Variants in FAAP100 observed in about 807,000 individuals in gnomAD.
The protein encoded by FAAP100 is FA core complex associated protein 100.
FAAP100 carries 46 observed loss-of-function variants against 65.8 expected under a neutral mutation model. The observed-to-expected ratio is 0.70, with a 90% CI of 0.55 to 0.89. The LOEUF is 0.89. Among genes scored for constraint, FAAP100 ranks in the 40% least tolerant of loss-of-function variants. The pLI, the probability that FAAP100 is intolerant of heterozygous loss-of-function variation, is 0.00. For missense variants in FAAP100, 1,165 were observed against 1,196.7 expected (o/e 0.97, Z 0.39); for synonymous variants, 663 against 555.1 (o/e 1.19, Z -2.73).
At chr17:81,541,559 C>T (rs1453674456) in intron 7 of FAAP100, among the ~76,000 whole-genome samples, 164 bp from the exon 8 acceptor site, 2 of 152,212 alleles carry the variant, frequency 1.3e-5, no homozygotes, top group Non-Finnish European at 2.9e-5. Context: ...CTGTTCATCT[C>T]GACTTCCTGC....
chr17:81,546,034 G>A (rs990478691), intron 5 of FAAP100, 152 bp from the exon 6 acceptor site: 28 of 1,075,176 alleles, frequency 2.6e-5, no homozygotes, highest in South Asian at 5.4e-5. Context: ...CCTAAGCTGC[G>A]GCGTGGCCAG....
intron 3 of FAAP100, 45 bp from the exon 4 acceptor site, chr17:81,549,407 C>A: frequency 6.4e-7 from 1 of 1,571,782 alleles, no homozygotes; most frequent in Non-Finnish European, 8.6e-7. Flanking sequence ...CTGGGAGGGG[C>A]AAGCAGCATG....
rs746821415 is a variant in FAAP100, at chr17:81,550,984, G to T, written c.510C>A (p.Ile170=). Residue 170 remains isoleucine, a synonymous_variant, in exon 3 of 9, where the codon ATC becomes ATA. Transcript: ENST00000327787. ...PGEDPRPGGQ[I]GEVELSSYTP... is the part of the protein sequence containing the mutation. ...TGTAGGAGGACAGCTCCACCTCACC[G>T]ATCTGGCCTCCTGGCCGGGGGTCCT... 1 of 1,611,864 alleles carries T rather than the reference G, an allele frequency of 6.2e-7. No homozygotes were observed. Among genetic ancestry groups the T allele is most frequent in the Non-Finnish European group, 8.5e-7 (1 of 1,179,488 alleles).
Position 81,550,679 on chromosome 17 carries a change from A to G in FAAP100, c.815T>C (p.Val272Ala). ...RSAPGDPNALVKILHHLEEPV... is the reference protein window; with the variant it reads ...RSAPGDPNALAKILHHLEEPV... Reference sequence around the variant, plus strand: ...CTCCTCCAGGTGATGGAGGATCTTGACAAGGGCATTTGGGTCACCAGGGGC... The same window carrying G: ...CTCCTCCAGGTGATGGAGGATCTTGGCAAGGGCATTTGGGTCACCAGGGGC... Residue 272 changes from valine to alanine, a missense_variant, in exon 3 of 9, where the codon GTC becomes GCC. Val to Ala is a moderately conservative substitution (Grantham distance 64). Transcript: ENST00000327787. The G allele has an allele frequency of 6.2e-7, 1 of 1,613,024 alleles. No individual in the cohort carries two copies. The highest frequency in any genetic ancestry group is 8.5e-7 in the Non-Finnish European group (1 of 1,180,020).
At chr17:81,549,388 G>C (rs2033416654) in intron 3 of FAAP100, 26 bp from the exon 4 acceptor site, 1 of 1,585,772 alleles carries the variant, frequency 6.3e-7, no homozygotes, top group Admixed American at 1.7e-5. Context: ...CATGGGGCCT[G>C]GTCAGCGGCT....
At chr17:81,546,474 C>T (rs534809405) in intron 5 of FAAP100, 1 of 163,580 alleles carries the variant, frequency 6.1e-6, no homozygotes, top group African/African-American at 2.4e-5. Context: ...GTGAAGCTCA[C>T]AGTTTGCTCC....
chr17:81,552,408 C>T (rs1598602803), upstream of FAAP100: 4 of 1,224,028 alleles, frequency 3.3e-6, no homozygotes, highest in South Asian at 3.3e-5. Flanking sequence ...TACGGCAGCC[C>T]GCTGTGCGGC....
upstream of FAAP100, chr17:81,552,503 G>T: frequency 1.9e-6 from 1 of 530,518 alleles, no homozygotes; most frequent in Non-Finnish European, 2.9e-6. Flanking sequence ...TGGGGCGGTC[G>T]CTGGTACCCA....
In FAAP100 at chr17:81,547,195, G is replaced by T; in HGVS notation, c.1887C>A (p.Ser629=). 6.4e-7 allele frequency: 1 copy of T among 1,558,924 alleles called. No homozygotes were observed. Among genetic ancestry groups the T allele is most frequent in the South Asian group, 1.2e-5 (1 of 82,458 alleles). The part of the protein sequence containing the change: ...SEDPFLDECP[S]DVLPEQEGVC... ...CACCCTCTTGCTCGGGCAGGACGTC[G>T]GAGGGGCACTCATCCAGAAAGGGGT... The change falls in exon 5 of 9, where the codon TCC becomes TCA. Residue 629 remains serine (S), a synonymous_variant. Coordinates refer to ENST00000327787, the MANE Select transcript of FAAP100 (RefSeq NM_025161.6).
rs1245126953 is a variant in FAAP100, at chr17:81,552,252, G to C, written c.79C>G (p.Arg27Gly). The C allele has an allele frequency of 1.3e-6, 2 of 1,482,208 alleles. No individual in the cohort carries two copies. Among genetic ancestry groups the C allele is most frequent in the Non-Finnish European group, 1.8e-6 (2 of 1,123,594 alleles). 91.8% of individuals were successfully genotyped at this position (1,482,208 alleles called of 1,614,324 possible). ...ACCTCTGCCTCATGGCACAGCACGC[G>C]GGGCTTGCCCGCCGCCAGGCCCCCG... ...PLGGLAAGKP[R>G]VLCHEAEVFL... Residue 27 changes from arginine (R) to glycine (G), a missense_variant, in exon 1 of 9, where the codon CGC becomes GGC. Transcript: ENST00000327787.
At position 81,552,056 on chromosome 17, in the gene FAAP100, C is replaced by A; in HGVS notation, c.166-4G>T. 6.6e-7 allele frequency: 1 copy of A among 1,508,026 alleles called. No homozygotes were observed. Among genetic ancestry groups the A allele is most frequent in the Non-Finnish European group, 8.8e-7 (1 of 1,138,796 alleles). The allele number at this position is 1,508,026 out of a possible 1,614,324, so 93.4% of individuals were successfully genotyped here. A position where few individuals can be genotyped will look rare whatever the true frequency, so the allele number is the denominator to read the frequency against. On this transcript the variant is annotated splice_region_variant and splice_polypyrimidine_tract_variant and intron_variant, in intron 1 of 8. Coordinates refer to ENST00000327787, the MANE Select transcript of FAAP100 (RefSeq NM_025161.6). ...GGTCGGGGAACCGGAACGCCGCCTG[C>A]GGACCGGGGCGCGGGTCAGGCCGAC...
Position 81,550,650 on chromosome 17 carries a change from C to T in FAAP100, c.844G>A (p.Val282Ile), listed in dbSNP as rs1392568088. Reference sequence around the variant, plus strand: ...GTCTTCAAGGCCCCTATGAAGATGACGGGCTCCTCCAGGTGATGGAGGATC... The same window carrying T: ...GTCTTCAAGGCCCCTATGAAGATGATGGGCTCCTCCAGGTGATGGAGGATC... ...VKILHHLEEP[V>I]IFIGALKTEP... Residue 282 changes from valine to isoleucine, a missense_variant, in exon 3 of 9, where the codon GTC (valine) becomes ATC (isoleucine). By Grantham distance (29) the Val-to-Ile change is conservative (BLOSUM62 3). Transcript: ENST00000327787. The T allele has an allele frequency of 5.6e-6, 9 of 1,612,916 alleles. No homozygotes were observed. Among genetic ancestry groups the T allele is most frequent in the East Asian group, 2.2e-5 (1 of 44,894 alleles).
In FAAP100 at chr17:81,540,183, C is replaced by T. The variant is rs952871371; in HGVS notation, c.*636G>A. The T allele has an allele frequency of 5.0e-6, 2 of 399,090 alleles. No homozygotes were observed. The highest frequency in any genetic ancestry group is 4.4e-5 in the Admixed American group (1 of 22,754). 24.7% of individuals were successfully genotyped at this position (399,090 alleles called of 1,614,324 possible). A position where few individuals can be genotyped will look rare whatever the true frequency, so the allele number is the denominator to read the frequency against. On this transcript the variant is annotated 3_prime_UTR_variant, in exon 9 of 9. Transcript: ENST00000327787. ...TGTTGAGCATTCCGGCCACAGGCCA[C>T]CCGCTGGCCCTTCCTTGGTGTGGCA...
Position 81,547,013 on chromosome 17 carries a change from G to C in FAAP100, c.2069C>G (p.Pro690Arg). The stretch of plus-strand genomic sequence containing the variant: ...GGCCCGCAGGGAGGCGGGTCCTGCT[G>C]GCTGGCTGCCAGGCTCCCGACAAGT... ...LETCREPGSQ[P>R]AGPASLRAEY... Residue 690 changes from proline to arginine, a missense_variant, in exon 5 of 9, where the codon CCA (proline) becomes CGA (arginine). Transcript: ENST00000327787. 2 of 1,538,258 alleles carry C rather than the reference G, an allele frequency of 1.3e-6. No homozygotes were observed. The highest frequency in any genetic ancestry group is 1.7e-6 in the Non-Finnish European group (2 of 1,143,122).
chr17:81,541,254 T>C (rs891209644), intron 8 of FAAP100, 55 bp downstream of exon 8: 1 of 1,523,756 alleles, frequency 6.6e-7, no homozygotes, highest in Non-Finnish European at 9.0e-7. Context: ...GGCCTGGCGA[T>C]GGGCGCTCCT....
upstream of FAAP100, chr17:81,552,430 C>A: frequency 8.8e-7 from 1 of 1,138,760 alleles, no homozygotes; most frequent in South Asian, 3.8e-5. Flanking sequence ...CGACCTCCGC[C>A]GTAAAGCGGT....
Position 81,547,504 on chromosome 17 carries a change from G to A in FAAP100, c.1578C>T (p.Thr526=). 6.2e-7 allele frequency: 1 copy of A among 1,613,482 alleles called. No homozygotes were observed. The highest frequency in any genetic ancestry group is 8.5e-7 in the Non-Finnish European group (1 of 1,180,034). Residue 526 remains threonine, a synonymous_variant, in exon 5 of 9, where the codon ACC becomes ACT. Coordinates refer to ENST00000327787, the MANE Select transcript of FAAP100 (RefSeq NM_025161.6). ...AGCTGCTGCTGTTCTCTAGCACGCA[G>A]GTGGCCATGAGCACATCCTGTGTCT... The part of the protein sequence containing the change: ...RLQTQDVLMA[T]CVLENSSSFS...
Position 81,547,029 on chromosome 17 carries a change from C to T in FAAP100, c.2053G>A (p.Glu685Lys), listed in dbSNP as rs769854359. ...PVATFLETCR[E>K]PGSQPAGPAS... ...GGTCCTGCTGGCTGGCTGCCAGGCTCCCGACAAGTTTCCAGAAAAGTGGCC... is the reference window on the plus strand; with the variant it reads ...GGTCCTGCTGGCTGGCTGCCAGGCTTCCGACAAGTTTCCAGAAAAGTGGCC... The change falls in exon 5 of 9, where the codon GAG becomes AAG. Residue 685 changes from glutamate to lysine, a missense_variant. Glu to Lys is a moderately conservative substitution (Grantham distance 56, BLOSUM62 1). Coordinates refer to ENST00000327787, the MANE Select transcript of FAAP100 (RefSeq NM_025161.6). 62 of 1,552,086 alleles carry T rather than the reference C, an allele frequency of 4.0e-5. No homozygotes were observed. Among genetic ancestry groups the T allele is most frequent in the Admixed American group, 6.0e-5 (3 of 49,674 alleles).
At position 81,552,307 on chromosome 17, in the gene FAAP100, G is replaced by A. The variant is rs1230019552; in HGVS notation, c.24C>T (p.Val8=). 15 of 1,422,124 alleles carry A rather than the reference G, an allele frequency of 1.1e-5. No homozygotes were observed. The South Asian group carries it at 1.6e-4, about 15-fold the overall frequency. The allele number at this position is 1,422,124 out of a possible 1,614,324, so 88.1% of individuals were successfully genotyped here. A position where few individuals can be genotyped will look rare whatever the true frequency, so the allele number is the denominator to read the frequency against. MAGAAPR[V]RYLAGFCCPL... The stretch of plus-strand genomic sequence containing the variant: ...GGCAGCAGAAGCCCGCCAGGTAGCG[G>A]ACCCGCGGCGCGGCGCCGGCCATCG... The change falls in exon 1 of 9, where the codon GTC becomes GTT. Residue 8 remains valine, a synonymous_variant. Coordinates refer to ENST00000327787, the MANE Select transcript of FAAP100 (RefSeq NM_025161.6).
Sources: allele counts gnomAD v4.1 joint callset (sites outside exome capture counted in the v4.1 genomes callset), GRCh38; gene constraint gnomAD v4.1.1; transcripts MANE v1.5; gene names NCBI Gene and HGNC (gene_info 2026-07-23, HGNC 2026-07-21).